Variants in ALDH7A1 observed in about 807,000 individuals in gnomAD.
The protein encoded by ALDH7A1 is aldehyde dehydrogenase 7 family member A1, also known as alpha-aminoadipic semialdehyde dehydrogenase.
Under a neutral mutation model 79.9 loss-of-function variants are expected in ALDH7A1, and 63 were observed. That is an observed-to-expected ratio of 0.79 (90% CI 0.64 to 0.97). The LOEUF is 0.97. Among genes scored for constraint, ALDH7A1 ranks in the 50% least tolerant of loss-of-function variants. ALDH7A1 has a pLI of 0.00. For missense variants in ALDH7A1, 627 were observed against 665.2 expected, an observed-to-expected ratio of 0.94 and a Z score of 0.63; for synonymous variants, 240 against 231.2, an observed-to-expected ratio of 1.04 and a Z score of -0.34.
intron 11 of ALDH7A1, among the ~76,000 whole-genome samples, chr5:126,557,598 G>A (rs1175422746): frequency 6.7e-6 from 1 of 148,410 alleles, no homozygotes. Context: ...AAAAAAAAAA[G>A]AAAGAAAGAA....
At chr5:126,588,317 C>T (rs1257823339) in intron 3 of ALDH7A1, 1 of 146,280 alleles carries the variant, frequency 6.8e-6, no homozygotes, top group African/African-American at 2.5e-5. Flanking sequence ...CTAAAAAATA[C>T]AAAAAAAAAA....
At chr5:126,594,969 C>T (rs1751691166) in intron 1 of ALDH7A1, 38 bp downstream of exon 1, 3 of 1,557,384 alleles carry the variant, frequency 1.9e-6, no homozygotes, top group Non-Finnish European at 2.6e-6. Flanking sequence ...CTCGAGCGAG[C>T]CCCGGCGGCT....
At chr5:126,565,022 G>A (rs1750521135) in intron 9 of ALDH7A1, among the ~76,000 whole-genome samples, 1 of 152,162 alleles carries the variant, frequency 6.6e-6, no homozygotes, top group Non-Finnish European at 1.5e-5. Flanking sequence ...AGGAAAAGGG[G>A]AGAAAGGTGA....
At chr5:126,550,473 T>A (rs1749957076) in intron 14 of ALDH7A1, among the ~76,000 whole-genome samples, 180 bp from the exon 15 acceptor site, 1 of 146,052 alleles carries the variant, frequency 6.8e-6, no homozygotes, top group Non-Finnish European at 1.6e-5. Flanking sequence ...AAGTAAAAAA[T>A]TTTGGGATTT....
rs1749730382 is a variant in ALDH7A1 at position 126,544,804 on chromosome 5, G to T, written c.*161C>A. On this transcript the variant is annotated 3_prime_UTR_variant, in exon 18 of 18. Coordinates refer to ENST00000409134, the MANE Select transcript of ALDH7A1 (RefSeq NM_001182.5). ...CAATTTTATTTTGATTTTTAAAAAA[G>T]GAATCTCTTGATTTAATCAGGGCTT... The T allele has an allele frequency of 9.5e-6, 6 of 634,346 alleles. No homozygotes were observed. Among genetic ancestry groups the T allele is most frequent in the Non-Finnish European group, 1.7e-5 (6 of 358,310 alleles). 39.3% of individuals were successfully genotyped at this position (634,346 alleles called of 1,614,324 possible).
intron 7 of ALDH7A1, 66 bp from the exon 8 acceptor site, chr5:126,570,925 T>C: frequency 1.4e-6 from 2 of 1,467,740 alleles, no homozygotes; most frequent in Non-Finnish European, 1.9e-6. Context: ...AAGGAATAAA[T>C]TCCAACCACT....
chr5:126,564,333 G>T, intron 9 of ALDH7A1: 1 of 331,678 alleles, frequency 3.0e-6, no homozygotes, highest in Non-Finnish European at 5.4e-6. Context: ...TTTTAGTAGG[G>T]ATGGGAGTTT....
chr5:126,556,612 G>A (rs1206399586), intron 11 of ALDH7A1, among the ~76,000 whole-genome samples: 3 of 152,066 alleles, frequency 2.0e-5, no homozygotes, highest in Non-Finnish European at 4.4e-5. Context: ...ATTAAAGAAG[G>A]CCTCAAGTAC....
At chr5:126,574,179 T>G (rs1286457167) in intron 7 of ALDH7A1, among the ~76,000 whole-genome samples, 1 of 151,750 alleles carries the variant, frequency 6.6e-6, no homozygotes, top group South Asian at 2.1e-4. Context: ...GGCAGGCGGA[T>G]CACAAGGTCA....
At chr5:126,594,142 C>A in intron 1 of ALDH7A1, 1 of 464,268 alleles carries the variant, frequency 2.2e-6, no homozygotes, top group Non-Finnish European at 4.5e-6. Flanking sequence ...TTGTTTTGAG[C>A]AGTAATGGGT....
chr5:126,595,092 T>C lies in ALDH7A1; in HGVS notation c.107A>G (p.Gln36Arg). ...CTCTTTCAGCCACGCATACTGGGGC[T>C]GATTGATGAGGAGAGTGGACATGAA... ...AAFMSTLLIN[Q>R]PQYAWLKELG... The change falls in exon 1 of 18, where the codon CAG becomes CGG. Residue 36 changes from glutamine to arginine, a missense_variant. Gln to Arg is a conservative substitution (Grantham distance 43, BLOSUM62 1). Coordinates refer to ENST00000409134, the MANE Select transcript of ALDH7A1 (RefSeq NM_001182.5). 1 of 1,601,938 alleles carries C rather than the reference T, an allele frequency of 6.2e-7. No homozygotes were observed. Among genetic ancestry groups the C allele is most frequent in the Non-Finnish European group, 8.5e-7 (1 of 1,174,054 alleles).
At chr5:126,575,282 A>G (rs917553598) in intron 7 of ALDH7A1, 138 bp downstream of exon 7, 1 of 735,602 alleles carries the variant, frequency 1.4e-6, no homozygotes, top group Non-Finnish European at 2.2e-6. Context: ...TATAAAAATA[A>G]TATTACAAGC....
intron 9 of ALDH7A1, chr5:126,561,456 C>T (rs1466853979): frequency 5.3e-6 from 1 of 187,740 alleles, no homozygotes; most frequent in East Asian, 1.4e-4. Flanking sequence ...TTACTCCAAA[C>T]AGTTCAACAA....
chr5:126,591,234 T>C (rs1751543760), intron 3 of ALDH7A1, among the ~76,000 whole-genome samples: 1 of 152,204 alleles, frequency 6.6e-6, no homozygotes, highest in Non-Finnish European at 1.5e-5. Context: ...GGGTGAACTT[T>C]ACCTAGCACA....
In ALDH7A1 at chr5:126,553,016, G is replaced by A. The variant is rs187274659; in HGVS notation, c.1201-879C>T. 3.0e-3 allele frequency among the ~76,000 whole-genome samples: 462 copies of A among 152,114 alleles called. 7 individuals are homozygous for A. The highest frequency in any genetic ancestry group is 0.021 in the South Asian group (103 of 4,812). On this transcript the variant is annotated intron_variant, in intron 13 of 17. Coordinates refer to ENST00000409134, the MANE Select transcript of ALDH7A1 (RefSeq NM_001182.5). The stretch of plus-strand genomic sequence containing the variant: ...CACAGCCTCCCAAAGTGCTGAGATT[G>A]CAGGTGTGAGCCACTGCACCTGGCA...
chr5:126,576,378 A>G (rs1354522040), intron 6 of ALDH7A1, among the ~76,000 whole-genome samples: 2 of 152,162 alleles, frequency 1.3e-5, no homozygotes, highest in Non-Finnish European at 2.9e-5. Flanking sequence ...GTTTTTGAAT[A>G]CATTCAACTG....
rs752533662 is a variant in ALDH7A1 at position 126,575,442 on chromosome 5, G to A, written c.673C>T (p.Leu225Phe). 1.2e-6 allele frequency: 2 copies of A among 1,613,068 alleles called. No homozygotes were observed. Among genetic ancestry groups the A allele is most frequent in the Non-Finnish European group, 1.7e-6 (2 of 1,179,632 alleles). ...CLWKGAPTTS[L>F]ISVAVTKIIA... ...TACTTTGTGACAGCCACACTAATGA[G>A]GGAAGTGGTTGGAGCTCCTTTCCTT... is the stretch of plus-strand genomic sequence containing the variant. Residue 225 changes from leucine to phenylalanine, a missense_variant, in exon 7 of 18, where the codon CTC (leucine) becomes TTC (phenylalanine). Coordinates refer to ENST00000409134, the MANE Select transcript of ALDH7A1 (RefSeq NM_001182.5).
rs772201739 is a variant in ALDH7A1, at chr5:126,582,951, G to A, written c.417C>T (p.Ile139=). Reference sequence around the variant, plus strand: ...GAACTTCACCCACACCTTCCACTAAGATTTTCCCCATCTCCAAAGACACCT... The same window carrying A: ...GAACTTCACCCACACCTTCCACTAAAATTTTCCCCATCTCCAAAGACACCT... ...GSLVSLEMGK[I]LVEGVGEVQE... Residue 139 remains isoleucine, a synonymous_variant, in exon 5 of 18, where the codon ATC becomes ATT. Coordinates refer to ENST00000409134, the MANE Select transcript of ALDH7A1 (RefSeq NM_001182.5). The A allele has an allele frequency of 3.6e-5, 58 of 1,613,694 alleles. No individual in the cohort carries two copies. Among genetic ancestry groups the A allele is most frequent in the Non-Finnish European group, 4.2e-5 (50 of 1,179,936 alleles).
chr5:126,558,211 A>C (rs996588180), intron 11 of ALDH7A1, among the ~76,000 whole-genome samples: 8 of 151,416 alleles, frequency 5.3e-5, no homozygotes, highest in African/African-American at 1.9e-4. Context: ...AAAACAAAAA[A>C]AACTTGCTCA....
Sources: gnomAD v4.1 joint callset for allele counts (sites outside exome capture counted in the v4.1 genomes callset) on GRCh38, gnomAD v4.1.1 for gene constraint, MANE v1.5 for transcripts, NCBI Gene and HGNC (gene_info 2026-07-23, HGNC 2026-07-21) for gene names.